Variants in ULK4 observed in about 807,000 individuals in gnomAD.
ULK4 encodes inactive serine/threonine-protein kinase ULK4.
A neutral mutation model predicts 160.6 loss-of-function variants in ULK4; 133 were observed. The ratio of observed to expected loss-of-function variants is 0.83; its 90% CI spans 0.72 to 0.96. ULK4 has a LOEUF of 0.96. ULK4 is among the 40% of genes least tolerant of loss of function. ULK4 has a pLI of 0.00. For synonymous variants in ULK4, 534 were observed against 539.8 expected (o/e 0.99, Z 0.15); for missense variants, 1,580 against 1,499.5 (o/e 1.05, Z -0.89).
intron 22 of ULK4, among the ~76,000 whole-genome samples, chr3:41,725,168 T>A (rs1321212346): frequency 6.6e-6 from 1 of 152,156 alleles, no homozygotes; most frequent in African/African-American, 2.4e-5. Flanking sequence ...TTAAAAAAAA[T>A]TTCAGTCTAC....
intron 35 of ULK4, among the ~76,000 whole-genome samples, chr3:41,296,437 C>T (rs919148502): frequency 2.6e-5 from 4 of 152,098 alleles, no homozygotes; most frequent in African/African-American, 4.8e-5. Context: ...GGTGCGTGCT[C>T]GAGGCCACAG....
At chr3:41,772,296 A>G (rs866723849) in intron 21 of ULK4, among the ~76,000 whole-genome samples, 3 of 152,114 alleles carry the variant, frequency 2.0e-5, no homozygotes, top group Non-Finnish European at 2.9e-5. Context: ...TTTTTTGAAA[A>G]GATCAACAAA....
chr3:41,830,626 G>T (rs1391985656), intron 18 of ULK4, among the ~76,000 whole-genome samples: 1 of 151,764 alleles, frequency 6.6e-6, no homozygotes, highest in African/African-American at 2.4e-5. Flanking sequence ...AAAAACTATA[G>T]GACCAAAAAA....
At chr3:41,645,875 C>T (rs1160576207) in intron 30 of ULK4, among the ~76,000 whole-genome samples, 23 of 152,164 alleles carry the variant, frequency 1.5e-4, no homozygotes, top group African/African-American at 5.5e-4. Flanking sequence ...TCTGGGTGCT[C>T]CTTTATTAGG....
At chr3:41,774,427 C>T (rs1411680626) in intron 21 of ULK4, among the ~76,000 whole-genome samples, 1 of 150,688 alleles carries the variant, frequency 6.6e-6, no homozygotes, top group African/African-American at 2.5e-5. Flanking sequence ...TGAACAGACA[C>T]TTCTCAAAAG....
intron 6 of ULK4, among the ~76,000 whole-genome samples, chr3:41,918,757 A>ACCT (rs1305976525): frequency 1.3e-5 from 2 of 151,940 alleles, no homozygotes; most frequent in Non-Finnish European, 2.9e-5. Flanking sequence ...GCACGCTGCC[A>ACCT]CGCCCAGCTA....
At chr3:41,866,440 A>T (rs778270077) in intron 17 of ULK4, among the ~76,000 whole-genome samples, 11 of 152,186 alleles carry the variant, frequency 7.2e-5, no homozygotes, top group Non-Finnish European at 1.3e-4. Context: ...ACTGCCTCAG[A>T]TTATCAGGCA....
At chr3:41,422,140 T>C (rs888593221) in intron 34 of ULK4, among the ~76,000 whole-genome samples, 2 of 152,142 alleles carry the variant, frequency 1.3e-5, no homozygotes, top group African/African-American at 4.8e-5. Flanking sequence ...TCATAAATAG[T>C]CCTTGAAAGT....
intron 32 of ULK4, among the ~76,000 whole-genome samples, chr3:41,536,001 C>T (rs2086485884): frequency 6.6e-6 from 1 of 152,190 alleles, no homozygotes; most frequent in African/African-American, 2.4e-5. Context: ...TCAGGATTCT[C>T]AGATCATCCC....
At chr3:41,264,443 A>T (rs1039834184) in intron 35 of ULK4, among the ~76,000 whole-genome samples, 6 of 152,216 alleles carry the variant, frequency 3.9e-5, no homozygotes, top group African/African-American at 1.4e-4. Context: ...GCCTTGGTGG[A>T]GGTGTGAGCC....
chr3:41,455,733 G>C (rs1255833496), intron 33 of ULK4, 138 bp from the exon 34 acceptor site: 28 of 683,224 alleles, frequency 4.1e-5, no homozygotes, highest in Non-Finnish European at 6.0e-5. Context: ...GGAATAGATG[G>C]AGGCCCCAGA....
chr3:41,706,889 G>GTGTGTA (rs1361024477), intron 25 of ULK4, among the ~76,000 whole-genome samples: 11 of 115,664 alleles, frequency 9.5e-5, no homozygotes, highest in African/African-American at 1.4e-4. Context: ...GTGTGTGTGT[G>GTGTGTA]TATATATATA....
intron 20 of ULK4, among the ~76,000 whole-genome samples, chr3:41,796,732 T>C (rs2040310753): frequency 6.6e-6 from 1 of 152,206 alleles, no homozygotes; most frequent in Admixed American, 6.5e-5. Flanking sequence ...CATGGGTACA[T>C]ATATTTTATC....
chr3:41,933,068 T>A (rs544308038), intron 4 of ULK4, among the ~76,000 whole-genome samples: 21 of 152,182 alleles, frequency 1.4e-4, no homozygotes, highest in African/African-American at 4.6e-4. Context: ...ATAAAGGCAA[T>A]GTGAAGTTAA....
intron 35 of ULK4, among the ~76,000 whole-genome samples, chr3:41,330,254 A>G (rs9857334): frequency 0.23 from 35,199 of 152,094 alleles, 4,221 homozygotes; most frequent in African/African-American, 0.25. Flanking sequence ...AAGCTTCTGG[A>G]GTCTCAAAAT....
chr3:41,548,099 G>A (rs192495408), intron 32 of ULK4, among the ~76,000 whole-genome samples: 134 of 152,206 alleles, frequency 8.8e-4, no homozygotes, highest in African/African-American at 2.9e-3. Context: ...CATCTTGCCC[G>A]CTGCTGCTGC....
chr3:41,485,307 A>G (rs1440619063), intron 32 of ULK4, among the ~76,000 whole-genome samples: 1 of 152,214 alleles, frequency 6.6e-6, no homozygotes, highest in Non-Finnish European at 1.5e-5. Flanking sequence ...CAAAAAACCA[A>G]CAACACCCAG....
At chr3:41,844,401 C>T (rs1478784891) in intron 17 of ULK4, among the ~76,000 whole-genome samples, 3 of 152,186 alleles carry the variant, frequency 2.0e-5, no homozygotes, top group Admixed American at 6.5e-5. Flanking sequence ...CCTCCGCAGC[C>T]GCTGGCCCAG....
intron 25 of ULK4, among the ~76,000 whole-genome samples, chr3:41,706,758 G>A (rs2036901332): frequency 6.6e-6 from 1 of 150,652 alleles, no homozygotes; most frequent in African/African-American, 2.4e-5. Flanking sequence ...AGCCCAGGAA[G>A]CGGAGGTTGT....
Sources: allele counts gnomAD v4.1 joint callset (sites outside exome capture counted in the v4.1 genomes callset), GRCh38; gene constraint gnomAD v4.1.1; transcripts MANE v1.5; gene names NCBI Gene and HGNC (gene_info 2026-07-23, HGNC 2026-07-21).